ZNF469: variants seen among roughly 807,000 people sequenced by gnomAD.
The protein encoded by ZNF469 is zinc finger protein 469.
Under a neutral mutation model 1.0 loss-of-function variants are expected in ZNF469, and 1 was observed. The observed-to-expected ratio is 1.00, with a 90% confidence interval of 0.35 to 4.73. The LOEUF is 4.73. Among genes scored for constraint, ZNF469 ranks in the 30% most tolerant of loss-of-function variants. The probability of loss-of-function intolerance (pLI) is 0.16; values close to 1 mark genes in which losing one functional copy is unlikely to be tolerated. For missense variants in ZNF469, 6,100 were observed against 5,356.3 expected, an observed-to-expected ratio of 1.14 and a Z score of -4.33; for synonymous variants, 2,703 against 2,363.4, an observed-to-expected ratio of 1.14 and a Z score of -4.17.
intron 1 of ZNF469, among the ~76,000 whole-genome samples, chr16:88,396,932 C>CTGAAGGGAGGCCAGGAGGAGACCCTCA (rs1567500217): frequency 5.6e-5 from 3 of 53,410 alleles, no homozygotes; most frequent in South Asian, 4.4e-4. Context: ...GGAGACCCGT[C>CTGAAGGGAGGCCAGGAGGAGACCCTCA]TGAAGGGAGG....
chr16:88,125,248 G>A, the ZNF469 span, among the ~76,000 whole-genome samples: 82 of 152,304 alleles, frequency 5.4e-4, no homozygotes, highest in Middle Eastern at 3.4e-3. Context: ...CTGGCATGCT[G>A]TCTTGTGGTT....
the ZNF469 span, among the ~76,000 whole-genome samples, chr16:88,261,689 C>T: frequency 6.6e-6 from 1 of 152,138 alleles, no homozygotes; most frequent in Non-Finnish European, 1.5e-5. This position sits in a 1 kb window ranked among gnomAD's most constrained non-coding sequence, Gnocchi z 6.0. Flanking sequence ...CGCTCCTCCC[C>T]CAGCCCTACC....
the ZNF469 span, among the ~76,000 whole-genome samples, chr16:88,147,109 GATTCCCTGT>G: frequency 6.6e-6 from 1 of 152,118 alleles, no homozygotes; most frequent in South Asian, 2.1e-4. Context: ...GAGGACCCTG[GATTCCCTGT>G]CATCTCAAGT....
At chr16:88,274,108 A>G in the ZNF469 span, among the ~76,000 whole-genome samples, 2 of 152,158 alleles carry the variant, frequency 1.3e-5, no homozygotes, top group African/African-American at 4.8e-5. Flanking sequence ...TGGCCAGAAT[A>G]TTTTTTATTC....
At chr16:88,277,523 C>T in the ZNF469 span, among the ~76,000 whole-genome samples, 1 of 21,884 alleles carries the variant, frequency 4.6e-5, no homozygotes, top group Non-Finnish European at 8.8e-5. Context: ...GATATCAGTG[C>T]ACGGTTAGTG....
chr16:88,166,966 G>C, the ZNF469 span, among the ~76,000 whole-genome samples: 4 of 152,006 alleles, frequency 2.6e-5, no homozygotes, highest in African/African-American at 9.7e-5. This position sits in a 1 kb window ranked among gnomAD's most constrained non-coding sequence, Gnocchi z 4.5. Flanking sequence ...ACGGTGTGCA[G>C]GTGCCGGCAG....
the ZNF469 span, among the ~76,000 whole-genome samples, chr16:88,107,063 G>A: frequency 1.3e-5 from 2 of 152,198 alleles, no homozygotes; most frequent in Non-Finnish European, 2.9e-5. Context: ...CAGGCGGGCG[G>A]GGGTCTGCGT....
At chr16:88,133,214 C>T in the ZNF469 span, among the ~76,000 whole-genome samples, 6 of 152,274 alleles carry the variant, frequency 3.9e-5, no homozygotes, top group Non-Finnish European at 8.8e-5. Flanking sequence ...GGGCTCCTTC[C>T]GCCCTCGTCC....
chr16:88,161,372 C>T, the ZNF469 span, among the ~76,000 whole-genome samples: 463 of 152,284 alleles, frequency 3.0e-3, 3 homozygotes, highest in Middle Eastern at 0.014. Context: ...GACAGTACTG[C>T]CTGCAGGTGT....
the ZNF469 span, among the ~76,000 whole-genome samples, chr16:88,146,854 G>A: frequency 1.3e-5 from 2 of 152,030 alleles, no homozygotes; most frequent in African/African-American, 2.4e-5. Flanking sequence ...ACCAACGGGT[G>A]GACTAAGGCT....
chr16:88,307,720 C>T, the ZNF469 span, among the ~76,000 whole-genome samples: 2 of 152,154 alleles, frequency 1.3e-5, no homozygotes, highest in South Asian at 4.1e-4. Context: ...TGCAAGAGTT[C>T]TTTATGTGTT....
chr16:88,396,958 CA>C (rs1599348156), intron 1 of ZNF469, among the ~76,000 whole-genome samples: 107 of 94,650 alleles, frequency 1.1e-3, no homozygotes, highest in African/African-American at 1.6e-3. Context: ...AGGAGACCCT[CA>C]TGAAGGGAGG....
At chr16:88,280,140 T>C in the ZNF469 span, among the ~76,000 whole-genome samples, 1 of 151,822 alleles carries the variant, frequency 6.6e-6, no homozygotes, top group Non-Finnish European at 1.5e-5. Context: ...GCTCGGTCAG[T>C]ACTGTGTAGA....
the ZNF469 span, among the ~76,000 whole-genome samples, chr16:88,109,270 A>G: frequency 8.5e-5 from 13 of 152,304 alleles, no homozygotes; most frequent in East Asian, 1.4e-3. Context: ...ACAGTGAGAC[A>G]GCTGAGGCCT....
At chr16:88,310,997 A>T in the ZNF469 span, among the ~76,000 whole-genome samples, 2 of 152,086 alleles carry the variant, frequency 1.3e-5, no homozygotes, top group Non-Finnish European at 1.5e-5. Flanking sequence ...CTGCACCAGG[A>T]CCACATCCGG....
the ZNF469 span, among the ~76,000 whole-genome samples, chr16:88,241,865 C>T: frequency 6.6e-6 from 1 of 152,210 alleles, no homozygotes; most frequent in East Asian, 1.9e-4. This position sits in a 1 kb window ranked among gnomAD's most constrained non-coding sequence, Gnocchi z 4.8. Context: ...CCCGTGGAGA[C>T]TCAGCCTGGA....
intron 1 of ZNF469, among the ~76,000 whole-genome samples, chr16:88,418,912 C>G (rs1406879642): frequency 1.3e-5 from 2 of 152,036 alleles, no homozygotes; most frequent in East Asian, 1.9e-4. Context: ...GCTGCAGCCC[C>G]GTACGGCGAG....
chr16:88,250,400 T>G, the ZNF469 span, among the ~76,000 whole-genome samples: 1 of 152,252 alleles, frequency 6.6e-6, no homozygotes, highest in Admixed American at 6.5e-5. Context: ...ATAATTTTTA[T>G]TGCTGAATAG....
At chr16:88,275,951 G>A in the ZNF469 span, among the ~76,000 whole-genome samples, 60 of 152,288 alleles carry the variant, frequency 3.9e-4, no homozygotes, top group East Asian at 9.5e-3. Context: ...ACGGGAACAG[G>A]CCCATAAAGT....
Sources: gnomAD v4.1 joint callset for allele counts (sites outside exome capture counted in the v4.1 genomes callset) on GRCh38, gnomAD v4.1.1 for gene constraint, Gnocchi (gnomAD v3.1) non-coding constraint, MANE v1.5 for transcripts, NCBI Gene and HGNC (gene_info 2026-07-23, HGNC 2026-07-21) for gene names.